TOX2: variants seen among roughly 807,000 people sequenced by gnomAD.
The protein encoded by TOX2 is granulosa cell HMG box 1.
TOX2 carries 15 observed loss-of-function variants against 47.4 expected under a neutral mutation model. That is an observed-to-expected ratio of 0.32 (90% CI 0.21 to 0.49). The LOEUF is 0.49. TOX2 is among the 20% of genes least tolerant of loss of function. The pLI is 0.99. For synonymous variants in TOX2, 290 were observed against 296.6 expected, an observed-to-expected ratio of 0.98 and a Z score of 0.23; for missense variants, 622 against 673.1, an observed-to-expected ratio of 0.92 and a Z score of 0.84.
intron 1 of TOX2, among the ~76,000 whole-genome samples, chr20:43,928,980 T>TGA (rs1353817522): frequency 1.4e-5 from 1 of 71,018 alleles, no homozygotes; most frequent in Non-Finnish European, 2.3e-5. Flanking sequence ...ACTAAAAATA[T>TGA]GAAAAAAAAA....
rs1600807350 is a variant in TOX2 at position 44,066,035 on chromosome 20, G to T, written c.1284G>T (p.Gln428His). 1 of 1,596,924 alleles carries T rather than the reference G, an allele frequency of 6.3e-7. No homozygotes were observed. The highest frequency in any genetic ancestry group is 8.5e-7 in the Non-Finnish European group (1 of 1,172,036). The change falls in exon 7 of 9, where the codon CAG becomes CAT. Residue 428 changes from glutamine to histidine, a missense_variant. Physicochemically the swap from Gln to His is conservative, Grantham distance 24 (BLOSUM62 0). This residue lies in a region of TOX2 where 294 missense variants were observed against 300.0 expected (regional missense o/e 0.98). Coordinates refer to ENST00000341197, the MANE Select transcript of TOX2 (RefSeq NM_001098797.2). Reference sequence around the variant, plus strand: ...CTGTTAGCATGTCCCCAGCCCCCCAGCCCCCTGTCCTGCCCACCCCCATGG... The same window carrying T: ...CTGTTAGCATGTCCCCAGCCCCCCATCCCCCTGTCCTGCCCACCCCCATGG... ...SPPVSMSPAP[Q>H]PPVLPTPMAL...
At chr20:43,984,451 A>G (rs1418144340) in intron 2 of TOX2, among the ~76,000 whole-genome samples, 2 of 152,256 alleles carry the variant, frequency 1.3e-5, no homozygotes, top group African/African-American at 4.8e-5. Context: ...ACACATACTC[A>G]GAAAAAATGG....
chr20:43,943,663 T>C (rs4383390), intron 1 of TOX2, among the ~76,000 whole-genome samples: 19,660 of 152,244 alleles, frequency 0.13, 1,503 homozygotes, highest in East Asian at 0.27. Flanking sequence ...AAAAAGTTTT[T>C]TCAGTGAATG....
rs115442403 is a variant in TOX2, at chr20:44,014,713, A to G, written c.411+7921A>G. 9.1e-3 allele frequency among the ~76,000 whole-genome samples: 1,387 copies of G among 152,278 alleles called. 18 individuals are homozygous for G. The highest frequency in any genetic ancestry group is 0.037 in the Middle Eastern group (11 of 294). ...GCAGGTGAAGTGTCACGCATAGGCA[A>G]TTGGTAAATGTAAGCTGCTCTGTTT... is the stretch of plus-strand genomic sequence containing the variant. On this transcript the variant is annotated intron_variant, in intron 3 of 8. Coordinates refer to ENST00000341197, the MANE Select transcript of TOX2 (RefSeq NM_001098797.2).
At chr20:44,013,150 G>A (rs1486312772) in intron 3 of TOX2, among the ~76,000 whole-genome samples, 1 of 152,170 alleles carries the variant, frequency 6.6e-6, no homozygotes, top group Non-Finnish European at 1.5e-5. Flanking sequence ...ACAAGTTCTG[G>A]GTATTGACTC....
Position 43,915,527 on chromosome 20 carries a change from A to T in TOX2, c.99+537A>T, listed in dbSNP as rs2069045740. 6.6e-6 allele frequency among the ~76,000 whole-genome samples: 1 copy of T among 151,958 alleles called. No homozygotes were observed. Among genetic ancestry groups the T allele is most frequent in the South Asian group, 2.1e-4 (1 of 4,814 alleles). ...CACACTCTCGCAGCCACAACGCCTC[A>T]CCCAGGCGCACGCTGTCACACACAG... On this transcript the variant is annotated intron_variant, in intron 1 of 8. Coordinates refer to ENST00000341197, the MANE Select transcript of TOX2 (RefSeq NM_001098797.2). This position sits in a 1 kb window ranked among gnomAD's most constrained non-coding sequence, Gnocchi z 7.1.
intron 2 of TOX2, among the ~76,000 whole-genome samples, chr20:44,005,653 A>G (rs1000365499): frequency 1.3e-5 from 2 of 152,254 alleles, no homozygotes; most frequent in Non-Finnish European, 2.9e-5. Context: ...CATGTTTACT[A>G]TGCTAACTGA....
intron 1 of TOX2, among the ~76,000 whole-genome samples, chr20:43,951,699 CTTA>C (rs1475950678): frequency 7.5e-5 from 4 of 53,192 alleles, no homozygotes; most frequent in Admixed American, 2.1e-4. Context: ...TACTATTAAA[CTTA>C]TTATGTTTTT....
At chr20:44,023,384 C>T (rs563281890) in intron 3 of TOX2, among the ~76,000 whole-genome samples, 31 of 145,130 alleles carry the variant, frequency 2.1e-4, no homozygotes, top group South Asian at 4.3e-4. Context: ...GAGCCAAGAT[C>T]GCACCACTGC....
intron 3 of TOX2, among the ~76,000 whole-genome samples, chr20:44,013,500 C>A (rs2070817522): frequency 6.6e-6 from 1 of 152,236 alleles, no homozygotes; most frequent in African/African-American, 2.4e-5. Flanking sequence ...GCAGTAGGGA[C>A]CCCCTAGTCC....
chr20:44,066,187 T>G, intron 7 of TOX2, 80 bp downstream of exon 7: 1 of 1,405,934 alleles, frequency 7.1e-7, no homozygotes, highest in Non-Finnish European at 9.4e-7. Flanking sequence ...ACCCTGGCCC[T>G]GCCACTCACC....
At position 43,916,152 on chromosome 20, in the gene TOX2, C is replaced by G. The variant is rs539641927; in HGVS notation, c.99+1162C>G. 7.1e-6 allele frequency: 7 copies of G among 985,528 alleles called. No individual in the cohort carries two copies. In the South Asian group the frequency reaches 2.8e-4, roughly 40 times the overall value. The allele number at this position is 985,528 out of a possible 1,614,324, so 61.0% of individuals were successfully genotyped here. On this transcript the variant is annotated intron_variant, in intron 1 of 8. Transcript: ENST00000341197. The surrounding 1 kb of genome is among the most constrained non-coding windows in gnomAD (Gnocchi z 5.0). ...GTCACTCGGAGCCCGGATTGAACAG[C>G]GCGCGTGGGTTTCCCGCAGCCCTGG...
At chr20:43,923,156 T>G (rs1279199694) in intron 1 of TOX2, among the ~76,000 whole-genome samples, 1 of 152,084 alleles carries the variant, frequency 6.6e-6, no homozygotes, top group African/African-American at 2.4e-5. Context: ...GAAACCTGCC[T>G]GCGTGGGAGT....
chr20:44,026,146 C>T (rs1004856092), intron 3 of TOX2, among the ~76,000 whole-genome samples: 9 of 150,406 alleles, frequency 6.0e-5, no homozygotes, highest in African/African-American at 1.7e-4. Flanking sequence ...CTTCTTTCCG[C>T]GTGATTATAG....
intron 2 of TOX2, among the ~76,000 whole-genome samples, chr20:43,994,974 G>C (rs190435037): frequency 6.6e-6 from 1 of 152,044 alleles, no homozygotes; most frequent in Non-Finnish European, 1.5e-5. Flanking sequence ...GGCCTGGCTC[G>C]GCTTGGAGGT....
At chr20:44,001,823 GCCTGGGACATTCC>G (rs1287278467) in intron 2 of TOX2, among the ~76,000 whole-genome samples, 3 of 152,162 alleles carry the variant, frequency 2.0e-5, no homozygotes, top group Admixed American at 6.5e-5. Flanking sequence ...TGAAACTAGA[GCCTGGGACATTCC>G]CCCATTTCCC....
chr20:44,018,379 C>T (rs937152545), intron 3 of TOX2, among the ~76,000 whole-genome samples: 4 of 152,182 alleles, frequency 2.6e-5, no homozygotes, highest in African/African-American at 9.7e-5. Context: ...AGAGCTGCTC[C>T]TGAGTCATGA....
chr20:43,958,761 A>G (rs2069709697), intron 1 of TOX2, among the ~76,000 whole-genome samples: 1 of 152,242 alleles, frequency 6.6e-6, no homozygotes, highest in African/African-American at 2.4e-5. Context: ...ACAGGACTCA[A>G]CAATTTGGTG....
At chr20:44,041,928 A>G (rs939949872) in intron 3 of TOX2, among the ~76,000 whole-genome samples, 4 of 152,256 alleles carry the variant, frequency 2.6e-5, no homozygotes, top group Non-Finnish European at 1.5e-5. Flanking sequence ...AAAAACATTC[A>G]TAATAAACTT....
Sources: allele counts gnomAD v4.1 joint callset (sites outside exome capture counted in the v4.1 genomes callset), GRCh38; gene constraint gnomAD v4.1.1; regional missense constraint gnomAD v4.1.1; non-coding constraint Gnocchi (gnomAD v3.1); transcripts MANE v1.5; gene names NCBI Gene and HGNC (gene_info 2026-07-23, HGNC 2026-07-21).